The following PCDH15 variants were observed in gnomAD, a reference collection of about 807,000 sequenced individuals.
The protein encoded by PCDH15 is protocadherin-15.
PCDH15 carries 129 observed loss-of-function variants against 178.5 expected under a neutral mutation model. That is an observed-to-expected ratio of 0.72 (90% confidence interval 0.63 to 0.84). PCDH15 has a LOEUF of 0.84. Ranked by LOEUF, PCDH15 falls within the 40% of genes least tolerant of loss-of-function variation. The pLI is 0.00. For synonymous variants in PCDH15, 800 were observed against 732.0 expected (o/e 1.09, Z -1.50); for missense variants, 2,230 against 2,099.9 (o/e 1.06, Z -1.21).
At chr10:55,245,636 A>T (rs546235162) in intron 1 of PCDH15, among the ~76,000 whole-genome samples, 13 of 152,246 alleles carry the variant, frequency 8.5e-5, no homozygotes, top group African/African-American at 3.1e-4. Context: ...ACCCTCAAAC[A>T]GAGGCGAATA....
chr10:53,820,201 C>A lies in PCDH15; in HGVS notation c.4397G>T (p.Cys1466Phe), dbSNP rs190552707. 1.7e-4 allele frequency: 69 copies of A among 397,864 alleles called. 1 individual carries two copies. Among genetic ancestry groups the A allele is most frequent in the African/African-American group, 1.1e-3 (52 of 48,698 alleles). The allele number at this position is 397,864 out of a possible 1,614,324, so 24.6% of individuals were successfully genotyped here. A position where few individuals can be genotyped will look rare whatever the true frequency, so the allele number is the denominator to read the frequency against. ...CCGCCAAATAGCACAAGTTCTCATG[C>A]ATATGACCAGCTGCCAACAAAAACT... ...IWSFCWQLVICMRTCAIWRTL... is the reference protein window; with the variant it reads ...IWSFCWQLVIFMRTCAIWRTL... The change falls in exon 33 of 38, where the codon TGC (cysteine) becomes TTC (phenylalanine). Residue 1466 changes from cysteine (C) to phenylalanine (F), a missense_variant. Coordinates refer to ENST00000644397, the MANE Select transcript of PCDH15 (RefSeq NM_001384140.1).
At chr10:54,480,541 T>C (rs1436259868) in intron 3 of PCDH15, among the ~76,000 whole-genome samples, 2 of 152,064 alleles carry the variant, frequency 1.3e-5, no homozygotes, top group African/African-American at 4.8e-5. Context: ...TCAAAATATA[T>C]AGAGGAGAAA....
chr10:54,470,063 C>T (rs987943692), intron 3 of PCDH15, among the ~76,000 whole-genome samples: 2 of 152,056 alleles, frequency 1.3e-5, no homozygotes, highest in Non-Finnish European at 2.9e-5. Flanking sequence ...TTCCCTCAGC[C>T]CCCCGGTAGT....
intron 2 of PCDH15, among the ~76,000 whole-genome samples, chr10:55,521,116 ACT>A: frequency 1.3e-5 from 2 of 151,474 alleles, no homozygotes; most frequent in East Asian, 2.0e-4. Flanking sequence ...CAACCATTCC[ACT>A]CTCTGTTTAT....
At chr10:54,224,698 C>T (rs1204392045) in intron 9 of PCDH15, among the ~76,000 whole-genome samples, 2 of 152,024 alleles carry the variant, frequency 1.3e-5, no homozygotes, top group Non-Finnish European at 2.9e-5. Context: ...CAAGTTATCC[C>T]TAGGTTCAAA....
At chr10:53,900,733 T>C (rs2082279389) in intron 26 of PCDH15, among the ~76,000 whole-genome samples, 1 of 152,036 alleles carries the variant, frequency 6.6e-6, no homozygotes, top group Admixed American at 6.6e-5. Context: ...TACCATAATT[T>C]ACATAGCACA....
intron 1 of PCDH15, among the ~76,000 whole-genome samples, chr10:55,263,285 T>C (rs1378947672): frequency 6.6e-6 from 1 of 152,206 alleles, no homozygotes; most frequent in African/African-American, 2.4e-5. Context: ...ATGGCTTTTA[T>C]CTCTTCCTTT....
intron 2 of PCDH15, among the ~76,000 whole-genome samples, chr10:55,444,189 T>C (rs1382674681): frequency 2.6e-5 from 4 of 151,630 alleles, no homozygotes; most frequent in Non-Finnish European, 4.4e-5. Context: ...ATGTAGATGA[T>C]GGGTGGATGG....
At chr10:54,336,250 G>T (rs1221914507) in intron 6 of PCDH15, among the ~76,000 whole-genome samples, 1 of 152,162 alleles carries the variant, frequency 6.6e-6, no homozygotes, top group East Asian at 1.9e-4. Flanking sequence ...CAGTAGAAAA[G>T]AAACACCCAT....
chr10:54,384,712 A>G (rs1180776717), intron 3 of PCDH15, among the ~76,000 whole-genome samples: 1 of 152,164 alleles, frequency 6.6e-6, no homozygotes, highest in Non-Finnish European at 1.5e-5. Flanking sequence ...TTAATCACAG[A>G]ACAAATTAAA....
intron 2 of PCDH15, among the ~76,000 whole-genome samples, chr10:55,035,295 G>A (rs1840707746): frequency 6.6e-6 from 1 of 152,058 alleles, no homozygotes; most frequent in Non-Finnish European, 1.5e-5. Context: ...TCTGCTTGAA[G>A]GATAATTCAT....
At chr10:54,582,747 CG>C (rs1384375930) in intron 2 of PCDH15, among the ~76,000 whole-genome samples, 1 of 151,742 alleles carries the variant, frequency 6.6e-6, no homozygotes, top group Non-Finnish European at 1.5e-5. Flanking sequence ...CCTGTCTCTA[CG>C]AAGAAAATTA....
rs558605010 is a variant in PCDH15, at chr10:54,586,573, G to T, written c.92-58696C>A. Among the ~76,000 whole-genome samples, 39 of 152,176 alleles carry T rather than the reference G, an allele frequency of 2.6e-4. 1 individual carries two copies. In the South Asian group the frequency reaches 7.7e-3, roughly 30 times the overall value. On this transcript the variant is annotated intron_variant, in intron 2 of 37. Transcript: ENST00000644397. ...GCTTAGAAAAATTATATTGCTTCCT[G>T]ATATCACATAACTAGCAAATGCTAA... is the stretch of plus-strand genomic sequence containing the variant.
At chr10:55,398,248 C>T (rs150703819) in intron 2 of PCDH15, among the ~76,000 whole-genome samples, 247 of 151,620 alleles carry the variant, frequency 1.6e-3, no homozygotes, top group Middle Eastern at 7.0e-3. Flanking sequence ...AGCAGGGAAA[C>T]CCTTTAGCCT....
chr10:55,413,897 A>T (rs116451289), intron 2 of PCDH15, among the ~76,000 whole-genome samples: 1,585 of 151,716 alleles, frequency 0.01, 32 homozygotes, highest in African/African-American at 0.036. Context: ...AAGTTAGCTC[A>T]TTAGCTCATA....
intron 1 of PCDH15, among the ~76,000 whole-genome samples, chr10:55,292,719 T>C (rs1251772437): frequency 6.6e-6 from 1 of 152,216 alleles, no homozygotes. Context: ...ATGATCTCTT[T>C]AACTCCATGT....
Position 53,909,109 on chromosome 10 carries a change from A to G in PCDH15, c.3374-5739T>C, listed in dbSNP as rs557074485. ...CGGAAGAACCTGGTGGGAGGTGATC[A>G]GATCATGGGGGCAGTTTTCCCCAAT... On this transcript the variant is annotated intron_variant, in intron 25 of 37. Coordinates refer to ENST00000644397, the MANE Select transcript of PCDH15 (RefSeq NM_001384140.1). Among the ~76,000 whole-genome samples, 38 of 152,292 alleles carry G rather than the reference A, an allele frequency of 2.5e-4. No homozygotes were observed. In the South Asian group the frequency reaches 7.7e-3, roughly 31 times the overall value.
chr10:54,910,957 C>T (rs186344350), intron 2 of PCDH15, among the ~76,000 whole-genome samples: 162 of 151,954 alleles, frequency 1.1e-3, no homozygotes, highest in Non-Finnish European at 1.7e-3. Flanking sequence ...GGTGAATCAG[C>T]GTAGTAAAAA....
intron 21 of PCDH15, among the ~76,000 whole-genome samples, chr10:53,986,651 AG>A (rs2091122965): frequency 6.6e-6 from 1 of 152,256 alleles, no homozygotes; most frequent in South Asian, 2.1e-4. Flanking sequence ...AGCTTTAAAA[AG>A]AAGGAAGTAC....
Sources: allele counts gnomAD v4.1 joint callset (sites outside exome capture counted in the v4.1 genomes callset), GRCh38; gene constraint gnomAD v4.1.1; transcripts MANE v1.5; gene names NCBI Gene and HGNC (gene_info 2026-07-23, HGNC 2026-07-21).